Variants in CAPZA2 observed in about 807,000 individuals in gnomAD.
The protein encoded by CAPZA2 is capping actin protein of muscle Z-line subunit alpha 2.
In CAPZA2, 13 loss-of-function variants were observed where a neutral mutation model predicts 44.0. The ratio of observed to expected loss-of-function variants is 0.30; its 90% CI spans 0.19 to 0.47. CAPZA2 has a LOEUF of 0.47. CAPZA2 is among the 20% of genes least tolerant of loss of function. CAPZA2 has a pLI of 1.00. For synonymous variants in CAPZA2, 94 were observed against 108.2 expected (o/e 0.87, Z 0.81); for missense variants, 244 against 338.6 (o/e 0.72, Z 2.19).
At position 116,918,477 on chromosome 7, in the gene CAPZA2, T is replaced by A. The variant is rs1791715116; in HGVS notation, c.*610T>A. ...AAACAAGGCAAGGTCTAATGCTGTT[T>A]TGAGATTCTGAAATTAATGAAAATA... On this transcript the variant is annotated 3_prime_UTR_variant, in exon 10 of 10. Coordinates refer to ENST00000361183, the MANE Select transcript of CAPZA2 (RefSeq NM_006136.3). 6.6e-6 allele frequency: 1 copy of A among 152,662 alleles called. No homozygotes were observed. The highest frequency in any genetic ancestry group is 2.4e-5 in the African/African-American group (1 of 41,456). The allele number at this position is 152,662 out of a possible 1,614,324, so 9.5% of individuals were successfully genotyped here. A position where few individuals can be genotyped will look rare whatever the true frequency, so the allele number is the denominator to read the frequency against.
rs553192795 is a variant in CAPZA2 at position 116,915,922 on chromosome 7, G to A, written c.658-138G>A. The stretch of plus-strand genomic sequence containing the variant: ...TTTTCCCCTTAGACTTAGAATAATT[G>A]ATCTTACAATATTTATTCTATGTCA... On this transcript the variant is annotated intron_variant, in intron 8 of 9. Coordinates refer to ENST00000361183, the MANE Select transcript of CAPZA2 (RefSeq NM_006136.3). 115 of 573,280 alleles carry A rather than the reference G, an allele frequency of 2.0e-4. No homozygotes were observed. The African/African-American group carries it at 2.1e-3, about 11-fold the overall frequency. The allele number at this position is 573,280 out of a possible 1,614,324, so 35.5% of individuals were successfully genotyped here.
intron 1 of CAPZA2, among the ~76,000 whole-genome samples, chr7:116,880,988 C>T (rs1172953665): frequency 2.0e-5 from 3 of 151,780 alleles, no homozygotes; most frequent in Admixed American, 1.3e-4. Context: ...GGATTACAGG[C>T]GTGATCCACC....
At chr7:116,890,527 T>A (rs4730764) in intron 2 of CAPZA2, among the ~76,000 whole-genome samples, 1,996 of 12,540 alleles carry the variant, frequency 0.16, 137 homozygotes, top group African/African-American at 0.36. Context: ...AAAAAAAAAA[T>A]ATATATATAT....
At chr7:116,901,891 GTGTGTGTGTGTGTGTGTGTGTA>G (rs1797000281) in intron 4 of CAPZA2, among the ~76,000 whole-genome samples, 1 of 150,730 alleles carries the variant, frequency 6.6e-6, no homozygotes, top group Non-Finnish European at 1.5e-5. Context: ...ATGTGTGTGT[GTGTGTGTGTGTGTGTGTGTGTA>G]TGTGTGTATA....
At chr7:116,869,857 A>G (rs1796528555) in intron 1 of CAPZA2, among the ~76,000 whole-genome samples, 1 of 151,302 alleles carries the variant, frequency 6.6e-6, no homozygotes, top group Non-Finnish European at 1.5e-5. Flanking sequence ...TGAATTGCAC[A>G]CTTGTTTTTT....
intron 4 of CAPZA2, among the ~76,000 whole-genome samples, chr7:116,900,494 A>G (rs1401635197): frequency 1.3e-5 from 2 of 152,068 alleles, no homozygotes; most frequent in East Asian, 3.9e-4. Context: ...GTTGTCCTTT[A>G]TTACAGCAAG....
At chr7:116,868,510 A>G (rs1251555720) in intron 1 of CAPZA2, among the ~76,000 whole-genome samples, 1 of 152,216 alleles carries the variant, frequency 6.6e-6, no homozygotes. Context: ...AGGCAGGTGG[A>G]TCACCTGAGG....
At chr7:116,863,470 A>T (rs982989673) in intron 1 of CAPZA2, among the ~76,000 whole-genome samples, 1 of 152,214 alleles carries the variant, frequency 6.6e-6, no homozygotes, top group Admixed American at 6.5e-5. Context: ...TGTATATTAG[A>T]TGCTGTGACA....
chr7:116,866,288 C>A (rs905748750), intron 1 of CAPZA2, among the ~76,000 whole-genome samples: 2 of 151,926 alleles, frequency 1.3e-5, no homozygotes, highest in Non-Finnish European at 2.9e-5. Context: ...TCTCCTGCCT[C>A]AGCCTCCCGA....
intron 1 of CAPZA2, among the ~76,000 whole-genome samples, chr7:116,865,498 T>C (rs754401926): frequency 6.6e-6 from 1 of 152,100 alleles, no homozygotes; most frequent in African/African-American, 2.4e-5. Context: ...CATTATGCTT[T>C]CTTAAACAAA....
At chr7:116,895,852 A>G (rs1432044454) in intron 3 of CAPZA2, among the ~76,000 whole-genome samples, 6 of 152,084 alleles carry the variant, frequency 3.9e-5, no homozygotes, top group African/African-American at 1.2e-4. Flanking sequence ...TCTCTGTGAA[A>G]TAATTTCTGA....
Position 116,862,602 on chromosome 7 carries a change from C to T in CAPZA2, c.-10C>T. ...CGCCGCCGCCGCCGCGGTTTGTCGC[C>T]AGAAGGAAGATGGCGGATCTGGAGG... On this transcript the variant is annotated 5_prime_UTR_variant, in exon 1 of 10. Coordinates refer to ENST00000361183, the MANE Select transcript of CAPZA2 (RefSeq NM_006136.3). 1 of 1,537,858 alleles carries T rather than the reference C, an allele frequency of 6.5e-7. No homozygotes were observed. The highest frequency in any genetic ancestry group is 8.8e-7 in the Non-Finnish European group (1 of 1,141,330).
At chr7:116,882,758 CATA>C (rs1796717495) in intron 1 of CAPZA2, among the ~76,000 whole-genome samples, 1 of 152,098 alleles carries the variant, frequency 6.6e-6, no homozygotes, top group Non-Finnish European at 1.5e-5. Flanking sequence ...TTTCATACCA[CATA>C]ATATTTGGAA....
chr7:116,898,658 T>A, intron 3 of CAPZA2, 114 bp from the exon 4 acceptor site: 1 of 563,970 alleles, frequency 1.8e-6, no homozygotes, highest in Non-Finnish European at 3.1e-6. Context: ...ATTTTATTTA[T>A]TTTGCAGTGT....
intron 6 of CAPZA2, chr7:116,906,764 A>T (rs148067309): frequency 2.3e-3 from 353 of 155,800 alleles, no homozygotes; most frequent in Non-Finnish European, 4.3e-3. Context: ...TGGTTAGCCA[A>T]TGTGAGGAAA....
At chr7:116,917,021 C>T (rs1052674294) in intron 9 of CAPZA2, among the ~76,000 whole-genome samples, 2 of 151,970 alleles carry the variant, frequency 1.3e-5, no homozygotes, top group African/African-American at 4.8e-5. Flanking sequence ...TCATTTTGTG[C>T]TTTACTTTTT....
chr7:116,907,765 A>G (rs981766070), intron 6 of CAPZA2, among the ~76,000 whole-genome samples: 3 of 152,180 alleles, frequency 2.0e-5, no homozygotes, highest in African/African-American at 4.8e-5. Flanking sequence ...ACAGGTTCAC[A>G]TGGTGCCCAA....
chr7:116,916,646 T>A (rs1433939435), intron 9 of CAPZA2, among the ~76,000 whole-genome samples: 12 of 152,212 alleles, frequency 7.9e-5, no homozygotes, highest in Admixed American at 3.3e-4. Flanking sequence ...AGACTAGGTT[T>A]TGGCCAACAT....
intron 1 of CAPZA2, among the ~76,000 whole-genome samples, chr7:116,871,758 A>G (rs142290819): frequency 9.4e-4 from 143 of 152,300 alleles, no homozygotes; most frequent in Middle Eastern, 3.4e-3. Context: ...TATCTTTGTT[A>G]TAACATTTAC....
Sources: allele counts gnomAD v4.1 joint callset (sites outside exome capture counted in the v4.1 genomes callset), GRCh38; gene constraint gnomAD v4.1.1; transcripts MANE v1.5; gene names NCBI Gene and HGNC (gene_info 2026-07-23, HGNC 2026-07-21).